Variants in INPP4B observed in about 807,000 individuals in gnomAD.
The protein encoded by INPP4B is inositol polyphosphate 4-phosphatase type II.
A neutral mutation model predicts 122.5 loss-of-function variants in INPP4B; 55 were observed. The ratio of observed to expected loss-of-function variants is 0.45; its 90% CI spans 0.36 to 0.56. The LOEUF (loss-of-function observed/expected upper bound fraction) is 0.56. Among genes scored for constraint, INPP4B ranks in the 20% least tolerant of loss-of-function variants. The pLI, the probability that INPP4B is intolerant of heterozygous loss-of-function variation, is 0.00. For missense variants in INPP4B, 1,000 were observed against 1,097.7 expected (o/e 0.91, Z 1.26); for synonymous variants, 403 against 388.7 (o/e 1.04, Z -0.43).
At chr4:142,479,027 G>C (rs941698132) in intron 2 of INPP4B, among the ~76,000 whole-genome samples, 5 of 152,056 alleles carry the variant, frequency 3.3e-5, no homozygotes, top group Admixed American at 2.0e-4. Flanking sequence ...AGAGTAAACA[G>C]ACAACCTAAA....
At chr4:142,299,277 A>G (rs1182458499) in intron 9 of INPP4B, among the ~76,000 whole-genome samples, 1 of 122,742 alleles carries the variant, frequency 8.1e-6, no homozygotes, top group Non-Finnish European at 1.6e-5. Context: ...TCCTCCAACC[A>G]CAGCCTCTCG....
chr4:142,115,955 G>A (rs1793073463), intron 21 of INPP4B, among the ~76,000 whole-genome samples: 1 of 152,012 alleles, frequency 6.6e-6, no homozygotes, highest in South Asian at 2.1e-4. Flanking sequence ...CAAAATAAAG[G>A]GATGGAGGAA....
In INPP4B at chr4:142,062,348, A is replaced by G. The variant is rs76881983; in HGVS notation, c.2642+19683T>C. Reference sequence around the variant, plus strand: ...GGGAGAATCACAGAGCTTTCATATTAGATTCAAGGTGCAGAGTCTTCAGTT... The same window carrying G: ...GGGAGAATCACAGAGCTTTCATATTGGATTCAAGGTGCAGAGTCTTCAGTT... On this transcript the variant is annotated intron_variant, in intron 25 of 25. Transcript: ENST00000262992. 2.2e-3 allele frequency among the ~76,000 whole-genome samples: 330 copies of G among 152,232 alleles called. 1 individual carries two copies. The highest frequency in any genetic ancestry group is 7.3e-3 in the African/African-American group (305 of 41,536).
chr4:142,310,933 A>G (rs1485291662), intron 8 of INPP4B, among the ~76,000 whole-genome samples: 1 of 152,174 alleles, frequency 6.6e-6, no homozygotes, highest in Admixed American at 6.5e-5. Context: ...ATATATTAGT[A>G]TTTGCTTGAC....
intron 25 of INPP4B, among the ~76,000 whole-genome samples, chr4:142,041,808 C>G (rs1747746298): frequency 1.3e-5 from 2 of 152,286 alleles, no homozygotes; most frequent in South Asian, 4.1e-4. Context: ...TTCAAACAAA[C>G]AGTTCCAGAC....
intron 2 of INPP4B, among the ~76,000 whole-genome samples, chr4:142,521,171 C>T (rs1204018854): frequency 6.6e-6 from 1 of 151,824 alleles, no homozygotes; most frequent in African/African-American, 2.4e-5. Flanking sequence ...AGTTAAATTA[C>T]ATGAAACAAT....
intron 7 of INPP4B, among the ~76,000 whole-genome samples, chr4:142,380,472 T>C (rs1341617549): frequency 6.6e-6 from 1 of 152,088 alleles, no homozygotes; most frequent in Admixed American, 6.6e-5. Context: ...GTCCCTCCCA[T>C]AGGAAACTGT....
At chr4:142,037,531 A>G (rs984656085) in intron 25 of INPP4B, among the ~76,000 whole-genome samples, 4 of 152,184 alleles carry the variant, frequency 2.6e-5, no homozygotes, top group Non-Finnish European at 4.4e-5. Context: ...AAAATTACCA[A>G]TTAAAACTGA....
intron 17 of INPP4B, among the ~76,000 whole-genome samples, chr4:142,154,460 T>C (rs549285974): frequency 1.3e-5 from 2 of 152,136 alleles, no homozygotes; most frequent in Non-Finnish European, 2.9e-5. Context: ...TTTGAAGATA[T>C]TTTGAAGATG....
At chr4:142,637,431 T>C (rs903193389) in intron 2 of INPP4B, among the ~76,000 whole-genome samples, 11 of 152,190 alleles carry the variant, frequency 7.2e-5, no homozygotes, top group South Asian at 4.1e-4. Flanking sequence ...GAATGCCCGA[T>C]ATTTAAAACC....
chr4:142,498,259 A>T (rs1210237328), intron 2 of INPP4B, among the ~76,000 whole-genome samples: 3 of 151,872 alleles, frequency 2.0e-5, no homozygotes, highest in Non-Finnish European at 1.5e-5. Context: ...AGAGTTCATC[A>T]GGGGAATAAG....
chr4:142,833,815 G>A (rs1401357838), intron 1 of INPP4B, among the ~76,000 whole-genome samples: 1 of 152,092 alleles, frequency 6.6e-6, no homozygotes, highest in African/African-American at 2.4e-5. Flanking sequence ...AAGCATGCAT[G>A]TGAACAAAAC....
chr4:142,280,558 G>A (rs369442348), intron 9 of INPP4B, among the ~76,000 whole-genome samples: 1 of 151,874 alleles, frequency 6.6e-6, no homozygotes, highest in East Asian at 1.9e-4. Flanking sequence ...GGGTTTCTTT[G>A]TGGTAATGGA....
chr4:142,614,018 A>G (rs1743142886), intron 2 of INPP4B, among the ~76,000 whole-genome samples: 4 of 152,232 alleles, frequency 2.6e-5, no homozygotes, highest in Non-Finnish European at 5.9e-5. Flanking sequence ...AACGGGTAGC[A>G]AATAAATATC....
At chr4:142,113,274 T>C (rs1791194901) in intron 21 of INPP4B, among the ~76,000 whole-genome samples, 1 of 152,078 alleles carries the variant, frequency 6.6e-6, no homozygotes, top group Non-Finnish European at 1.5e-5. Context: ...TATTTTTTAA[T>C]GTTGAAAATT....
chr4:142,547,869 T>C (rs1217859976), intron 2 of INPP4B, among the ~76,000 whole-genome samples: 2 of 152,180 alleles, frequency 1.3e-5, no homozygotes, highest in Admixed American at 6.6e-5. Context: ...TAAAATATTA[T>C]GGGAATTCAT....
chr4:142,748,020 AT>A (rs1769056894), intron 1 of INPP4B, among the ~76,000 whole-genome samples: 1 of 152,134 alleles, frequency 6.6e-6, no homozygotes, highest in Non-Finnish European at 1.5e-5. Flanking sequence ...TTAGAGTATA[AT>A]TTTAAAAAAC....
chr4:142,807,316 A>G (rs1390427773), intron 1 of INPP4B, among the ~76,000 whole-genome samples: 1 of 152,228 alleles, frequency 6.6e-6, no homozygotes, highest in Non-Finnish European at 1.5e-5. Context: ...ATAGGAATAG[A>G]GAAGAGGAAC....
intron 25 of INPP4B, among the ~76,000 whole-genome samples, chr4:142,041,822 A>C (rs975136941): frequency 1.3e-5 from 2 of 152,142 alleles, no homozygotes; most frequent in Non-Finnish European, 1.5e-5. Context: ...TCCAGACTTT[A>C]ATGTCATTTG....
Sources: allele counts gnomAD v4.1 joint callset (sites outside exome capture counted in the v4.1 genomes callset), GRCh38; gene constraint gnomAD v4.1.1; transcripts MANE v1.5; gene names NCBI Gene and HGNC (gene_info 2026-07-23, HGNC 2026-07-21).